The following NPY2R variants were observed in gnomAD, a reference collection of about 807,000 sequenced individuals.
NPY2R encodes neuropeptide Y receptor type 2.
A neutral mutation model predicts 22.3 loss-of-function variants in NPY2R; 17 were observed. The observed-to-expected ratio is 0.76, with a 90% CI of 0.52 to 1.14. The LOEUF (loss-of-function observed/expected upper bound fraction) is 1.14. Ranked by LOEUF, NPY2R falls within the 50% of genes most tolerant of loss-of-function variation. The pLI is 0.00. For synonymous variants in NPY2R, 209 were observed against 183.4 expected, an observed-to-expected ratio of 1.14 and a Z score of -1.13; for missense variants, 424 against 467.9, an observed-to-expected ratio of 0.91 and a Z score of 0.87.
Position 155,212,289 on chromosome 4 carries a change from G to A in NPY2R, c.-48-1603G>A, listed in dbSNP as rs1447055142. The stretch of plus-strand genomic sequence containing the variant: ...AAAGGTACTACCACCATGGTGTTGG[G>A]CTCTGAATGCTTTAACAGACTGAAA... On this transcript the variant is annotated intron_variant, in intron 1 of 1. Transcript: ENST00000329476. Among the ~76,000 whole-genome samples, 8 of 152,044 alleles carry A rather than the reference G, an allele frequency of 5.3e-5. No individual in the cohort carries two copies. The East Asian group carries it at 1.5e-3, about 29-fold the overall frequency.
At chr4:155,186,815 C>G in the NPY2R span, among the ~76,000 whole-genome samples, 1 of 152,256 alleles carries the variant, frequency 6.6e-6, no homozygotes, top group South Asian at 2.1e-4. Context: ...GTTTTTAAAT[C>G]AAACTCATTC....
the NPY2R span, among the ~76,000 whole-genome samples, chr4:155,181,148 A>G: frequency 6.6e-6 from 1 of 152,200 alleles, no homozygotes; most frequent in Non-Finnish European, 1.5e-5. Context: ...TAAGCTCTTC[A>G]CATGCACAAT....
At chr4:155,179,145 T>G in the NPY2R span, among the ~76,000 whole-genome samples, 3 of 152,204 alleles carry the variant, frequency 2.0e-5, no homozygotes. Context: ...TGAACATTAA[T>G]GTTTCCAATG....
At chr4:155,202,377 T>G in the NPY2R span, among the ~76,000 whole-genome samples, 1 of 152,174 alleles carries the variant, frequency 6.6e-6, no homozygotes, top group Non-Finnish European at 1.5e-5. Context: ...CTGTTTAATG[T>G]ATTTCTTTAT....
chr4:155,182,836 A>G, the NPY2R span, among the ~76,000 whole-genome samples: 1 of 152,032 alleles, frequency 6.6e-6, no homozygotes, highest in Non-Finnish European at 1.5e-5. Flanking sequence ...TGTTTCACCC[A>G]GGCTGGAGTG....
the NPY2R span, among the ~76,000 whole-genome samples, chr4:155,190,093 GA>G: frequency 6.6e-6 from 1 of 152,036 alleles, no homozygotes; most frequent in South Asian, 2.1e-4. Flanking sequence ...CATGTAGATA[GA>G]CACTTAAATG....
At chr4:155,192,231 A>G in the NPY2R span, among the ~76,000 whole-genome samples, 1 of 151,930 alleles carries the variant, frequency 6.6e-6, no homozygotes, top group Non-Finnish European at 1.5e-5. Flanking sequence ...TTGTTTCGTT[A>G]GCTGACCTGT....
the NPY2R span, among the ~76,000 whole-genome samples, chr4:155,187,006 CTT>C: frequency 6.6e-6 from 1 of 152,074 alleles, no homozygotes; most frequent in Non-Finnish European, 1.5e-5. Flanking sequence ...TTATGTCAGT[CTT>C]ATTATTCTCT....
the NPY2R span, among the ~76,000 whole-genome samples, chr4:155,199,676 C>T: frequency 6.6e-6 from 1 of 151,970 alleles, no homozygotes; most frequent in Admixed American, 6.6e-5. Flanking sequence ...GAAATATAGA[C>T]CAATGGAACA....
chr4:155,188,055 A>C, the NPY2R span, among the ~76,000 whole-genome samples: 1 of 152,168 alleles, frequency 6.6e-6, no homozygotes, highest in Non-Finnish European at 1.5e-5. Context: ...CATTGAAAAG[A>C]CATGCCATCC....
At chr4:155,205,989 A>C (rs2111028942), upstream of NPY2R, among the ~76,000 whole-genome samples, 8 of 152,298 alleles carry the variant, frequency 5.3e-5, 1 homozygote, top group South Asian at 1.7e-3. Flanking sequence ...GACAATACTG[A>C]ATCAAGATTT....
chr4:155,178,134 C>T, the NPY2R span, among the ~76,000 whole-genome samples: 2 of 152,170 alleles, frequency 1.3e-5, no homozygotes, highest in Non-Finnish European at 2.9e-5. Context: ...AGGTTGGCAG[C>T]TACTTGCCTT....
the NPY2R span, among the ~76,000 whole-genome samples, chr4:155,193,017 T>G: frequency 2.6e-5 from 4 of 151,720 alleles, no homozygotes; most frequent in African/African-American, 9.7e-5. Context: ...AAAAATCTGG[T>G]GTTTGAGAGT....
Position 155,214,627 on chromosome 4 carries a change from T to G in NPY2R, c.688T>G (p.Leu230Val). 2 of 1,614,230 alleles carry G rather than the reference T, an allele frequency of 1.2e-6. No homozygotes were observed. The highest frequency in any genetic ancestry group is 1.7e-6 in the Non-Finnish European group (2 of 1,180,030). Residue 230 changes from leucine (L) to valine (V), a missense_variant, in exon 2 of 2, where the codon TTG (leucine) becomes GTG (valine). Physicochemically the swap from Leu to Val is conservative, Grantham distance 32. Transcript: ENST00000329476. The part of the protein sequence containing the change: ...SLSSLLILYV[L>V]PLGIISFSYT... ...TTCTTCCTTGTTGATCTTGTATGTT[T>G]TGCCTCTGGGCATTATATCATTTTC...
chr4:155,199,212 G>A, the NPY2R span, among the ~76,000 whole-genome samples: 1 of 151,848 alleles, frequency 6.6e-6, no homozygotes, highest in Admixed American at 6.6e-5. Context: ...TGCAGTCTCT[G>A]GCTCTGCCTT....
chr4:155,213,473 C>T (rs1304104333), intron 1 of NPY2R, among the ~76,000 whole-genome samples: 1 of 152,080 alleles, frequency 6.6e-6, no homozygotes, highest in Non-Finnish European at 1.5e-5. Context: ...AAATTTGAAA[C>T]AGTCAAGATA....
the NPY2R span, among the ~76,000 whole-genome samples, chr4:155,185,821 G>GT: frequency 3.3e-5 from 5 of 151,980 alleles, no homozygotes; most frequent in Non-Finnish European, 7.4e-5. Context: ...GTGTATTATA[G>GT]TTTTTTAAGA....
At chr4:155,194,614 A>G in the NPY2R span, among the ~76,000 whole-genome samples, 3 of 152,000 alleles carry the variant, frequency 2.0e-5, no homozygotes, top group Non-Finnish European at 4.4e-5. Flanking sequence ...TCCATGGTGC[A>G]TATGTACCAT....
chr4:155,202,213 G>T, the NPY2R span, among the ~76,000 whole-genome samples: 4 of 152,062 alleles, frequency 2.6e-5, no homozygotes, highest in African/African-American at 4.8e-5. Context: ...TTCTATCTAG[G>T]TTTACAAAGG....
Sources: allele counts gnomAD v4.1 joint callset (sites outside exome capture counted in the v4.1 genomes callset), GRCh38; gene constraint gnomAD v4.1.1; transcripts MANE v1.5; gene names NCBI Gene and HGNC (gene_info 2026-07-23, HGNC 2026-07-21).